UMODL1: variants seen among roughly 807,000 people sequenced by gnomAD.
The protein encoded by UMODL1 is uromodulin-like 1.
A neutral mutation model predicts 136.3 loss-of-function variants in UMODL1; 128 were observed. The ratio of observed to expected loss-of-function variants is 0.94; its 90% CI spans 0.81 to 1.09. The LOEUF is 1.09. Ranked by LOEUF, UMODL1 falls within the 50% of genes least tolerant of loss-of-function variation. The pLI is 0.00. For synonymous variants in UMODL1, 721 were observed against 720.0 expected, an observed-to-expected ratio of 1.00 and a Z score of -0.02; for missense variants, 1,766 against 1,725.6, an observed-to-expected ratio of 1.02 and a Z score of -0.41.
intron 15 of UMODL1, among the ~76,000 whole-genome samples, chr21:42,119,955 T>A (rs1451951036): frequency 6.6e-6 from 1 of 152,110 alleles, no homozygotes; most frequent in Non-Finnish European, 1.5e-5. Context: ...AAACAAAAAA[T>A]TTTTCAATAA....
In UMODL1 at chr21:42,115,986, G is replaced by T. The variant is rs371384125; in HGVS notation, c.2475+1G>T. ...TTTCCTAGAACTATTCTTCAGGATG[G>T]TGAGTTGGTGATATCAGCCCTTAAT... On this transcript the variant is annotated splice_donor_variant, in intron 14 of 22. Transcript: ENST00000408910. LOFTEE classifies it high-confidence loss of function. The T allele has an allele frequency of 1.2e-6, 2 of 1,608,936 alleles. No individual in the cohort carries two copies. Among genetic ancestry groups the T allele is most frequent in the Middle Eastern group, 1.7e-4 (1 of 6,046 alleles).
intron 2 of UMODL1, among the ~76,000 whole-genome samples, chr21:42,077,840 G>A (rs1035126709): frequency 1.3e-5 from 2 of 152,198 alleles, no homozygotes; most frequent in African/African-American, 2.4e-5. Context: ...GACAACAGCA[G>A]AATGGAGCGT....
At position 42,085,242 on chromosome 21, in the gene UMODL1, A is replaced by G. The variant is rs755046748; in HGVS notation, c.482-49A>G. The G allele has an allele frequency of 1.9e-6, 3 of 1,589,622 alleles. No homozygotes were observed. In the South Asian group the frequency reaches 3.4e-5, roughly 18 times the overall value. On this transcript the variant is annotated intron_variant, in intron 3 of 22. Coordinates refer to ENST00000408910, the MANE Select transcript of UMODL1 (RefSeq NM_001004416.3). The surrounding 1 kb of genome is among the most constrained non-coding windows in gnomAD (Gnocchi z 4.5). ...CTCTCCCACCCCAGCAGCTTTTGTG[A>G]CTTCAACCTGTCCTGGGTCCATAAT...
intron 20 of UMODL1, among the ~76,000 whole-genome samples, chr21:42,128,742 C>T (rs1026625000): frequency 1.3e-5 from 2 of 152,202 alleles, no homozygotes; most frequent in Non-Finnish European, 2.9e-5. Flanking sequence ...CGCCAGGCTT[C>T]GTCTCTGCAG....
intron 8 of UMODL1, 48 bp from the exon 9 acceptor site, chr21:42,103,820 G>A (rs1193478812): frequency 3.1e-6 from 5 of 1,606,404 alleles, no homozygotes; most frequent in Non-Finnish European, 4.3e-6. Flanking sequence ...CCTGCTTAAT[G>A]GTCGTGAAGA....
In UMODL1 at chr21:42,125,378, C is replaced by G. The variant is rs114878619; in HGVS notation, c.3148-967C>G. On this transcript the variant is annotated intron_variant, in intron 17 of 22. Transcript: ENST00000408910. ...CAGGAAGCTGAGGGATTCACGTGGA[C>G]GCGTCGGAGGCCATTGCAGAGCACA... Among the ~76,000 whole-genome samples the G allele has an allele frequency of 2.0e-3, 301 of 152,188 alleles. 2 individuals are homozygous for G. Among genetic ancestry groups the G allele is most frequent in the Admixed American group, 4.2e-3 (65 of 15,298 alleles).
chr21:42,119,515 G>T (rs758144259), intron 15 of UMODL1, among the ~76,000 whole-genome samples, 191 bp downstream of exon 15: 1 of 152,196 alleles, frequency 6.6e-6, no homozygotes, highest in Non-Finnish European at 1.5e-5. Flanking sequence ...TTGTGTAAAG[G>T]TTGAAGTGTT....
At chr21:42,102,333 C>A in intron 8 of UMODL1, 55 bp downstream of exon 8, 7 of 1,284,476 alleles carry the variant, frequency 5.4e-6, no homozygotes, top group East Asian at 2.4e-5. Flanking sequence ...GTGAGGACAT[C>A]AAACACAAGC....
At chr21:42,106,636 A>T (rs1157271215) in intron 9 of UMODL1, among the ~76,000 whole-genome samples, 2 of 152,136 alleles carry the variant, frequency 1.3e-5, no homozygotes, top group South Asian at 2.1e-4. Flanking sequence ...CCCAGGAGGT[A>T]CGTACCATGT....
chr21:42,070,131 AG>A (rs1395752793), upstream of UMODL1, among the ~76,000 whole-genome samples: 1 of 152,226 alleles, frequency 6.6e-6, no homozygotes, highest in Non-Finnish European at 1.5e-5. Context: ...TAAAAGAGGT[AG>A]CAACGTTGGT....
Position 42,119,184 on chromosome 21 carries a change from T to C in UMODL1, c.2549T>C (p.Val850Ala). 6.2e-7 allele frequency: 1 copy of C among 1,614,192 alleles called. No homozygotes were observed. The highest frequency in any genetic ancestry group is 1.1e-5 in the South Asian group (1 of 91,088). ...GGGGTCAGGATGGAAGTCGTCAGCGTCACCAACGGCAGCATCGTGGTGGAG... is the reference window on the plus strand; with the variant it reads ...GGGGTCAGGATGGAAGTCGTCAGCGCCACCAACGGCAGCATCGTGGTGGAG... ...AGGVRMEVVS[V>A]TNGSIVVEFH... The change falls in exon 15 of 23, where the codon GTC becomes GCC. Residue 850 changes from valine (V) to alanine (A), a missense_variant. Val to Ala is a moderately conservative substitution (Grantham distance 64). Coordinates refer to ENST00000408910, the MANE Select transcript of UMODL1 (RefSeq NM_001004416.3).
At chr21:42,129,581 C>G in intron 20 of UMODL1, 132 bp from the exon 21 acceptor site, 4 of 766,628 alleles carry the variant, frequency 5.2e-6, no homozygotes, top group Non-Finnish European at 5.9e-6. Context: ...TGTCTAAACT[C>G]AGCCCCCTTG....
intron 1 of UMODL1, among the ~76,000 whole-genome samples, chr21:42,073,873 T>C (rs2066258770): frequency 6.6e-6 from 1 of 152,100 alleles, no homozygotes; most frequent in Admixed American, 6.5e-5. Flanking sequence ...CCCCACCTCT[T>C]GGGGGTACAG....
rs1225000240 is a variant in UMODL1 at position 42,119,286 on chromosome 21, C to T, written c.2651C>T (p.Pro884Leu). ...TTTCTCACCGCCTTCCAGACCGTGC[C>T]TCTGCTGGAGGTGATCAGAGGCGAC... ...AAFLTAFQTV[P>L]LLEVIRGDTF... Residue 884 changes from proline (P) to leucine (L), a missense_variant, in exon 15 of 23, where the codon CCT (proline) becomes CTT (leucine). Physicochemically the swap from Pro to Leu is moderately conservative, Grantham distance 98. Coordinates refer to ENST00000408910, the MANE Select transcript of UMODL1 (RefSeq NM_001004416.3). The T allele has an allele frequency of 6.2e-7, 1 of 1,614,198 alleles. No homozygotes were observed. Among genetic ancestry groups the T allele is most frequent in the East Asian group, 2.2e-5 (1 of 44,886 alleles).
rs979953111 is a variant in UMODL1 at position 42,123,026 on chromosome 21, A to G, written c.3023A>G (p.Gln1008Arg). The G allele has an allele frequency of 6.8e-6, 11 of 1,614,146 alleles. No individual in the cohort carries two copies. Among genetic ancestry groups the G allele is most frequent in the Non-Finnish European group, 7.6e-6 (9 of 1,180,026 alleles). The part of the protein sequence containing the change: ...VVVAIQKRFL[Q>R]QESIPESSLY... ...GTCGCCATCCAGAAGCGCTTCCTGC[A>G]GCAGGAATCCATCCCCGAGTCCTCG... Residue 1008 changes from glutamine (Q) to arginine (R), a missense_variant, in exon 17 of 23, where the codon CAG (glutamine) becomes CGG (arginine). Gln to Arg is a conservative substitution (Grantham distance 43). Transcript: ENST00000408910. This position sits in a 1 kb window ranked among gnomAD's most constrained non-coding sequence, Gnocchi z 4.4.
Position 42,133,888 on chromosome 21 carries a change from TTTTTG to T in UMODL1, c.3776-3522_3776-3518del, listed in dbSNP as rs375720686. ...AGGGTTAGGATTTCAATATATCTGTTTTTTGTTTTGTTTTGTTTTGTTTTGTTTTG... is the reference window on the plus strand; with the variant it reads ...AGGGTTAGGATTTCAATATATCTGTTTTTTGTTTTGTTTTGTTTTGTTTTG... On this transcript the variant is annotated intron_variant, in intron 21 of 22. Transcript: ENST00000408910. 5.7e-4 allele frequency among the ~76,000 whole-genome samples: 86 copies of T among 150,738 alleles called. 1 individual carries two copies. Among genetic ancestry groups the T allele is most frequent in the East Asian group, 5.3e-3 (27 of 5,102 alleles).
chr21:42,142,404 G>A lies in UMODL1; in HGVS notation c.*330G>A, dbSNP rs1041580118. ...GGGTGCTGCGGCTACACCACCACCC[G>A]CGCGGCCCCCGCAGCCTAGACCTCC... On this transcript the variant is annotated 3_prime_UTR_variant, in exon 23 of 23. Coordinates refer to ENST00000408910, the MANE Select transcript of UMODL1 (RefSeq NM_001004416.3). 2 of 152,290 alleles carry A rather than the reference G, an allele frequency of 1.3e-5. No individual in the cohort carries two copies. Among genetic ancestry groups the A allele is most frequent in the African/African-American group, 2.4e-5 (1 of 41,458 alleles). The allele number at this position is 152,290 out of a possible 1,614,324, so 9.4% of individuals were successfully genotyped here.
chr21:42,084,224 T>TGCATG lies in UMODL1; in HGVS notation c.463_467dup (p.Pro157TrpfsTer23). On this transcript the variant is annotated frameshift_variant, in exon 3 of 23. Coordinates refer to ENST00000408910, the MANE Select transcript of UMODL1 (RefSeq NM_001004416.3). LOFTEE classifies it high-confidence loss of function. ...CTGCCCCTGGTCAGGGGGGCGCTAC[T>TGCATG]GCATGGCCCCTGCACCCCAAGGTAG... The TGCATG allele has an allele frequency of 6.2e-7, 1 of 1,613,478 alleles. No individual in the cohort carries two copies. Among genetic ancestry groups the TGCATG allele is most frequent in the Admixed American group, 1.7e-5 (1 of 59,980 alleles).
intron 21 of UMODL1, among the ~76,000 whole-genome samples, chr21:42,133,351 G>T (rs1360854904): frequency 6.6e-6 from 1 of 152,226 alleles, no homozygotes; most frequent in East Asian, 1.9e-4. Context: ...TTTAGGGAAT[G>T]TGCCTAAGCT....
Sources: allele counts gnomAD v4.1 joint callset (sites outside exome capture counted in the v4.1 genomes callset), GRCh38; gene constraint gnomAD v4.1.1; non-coding constraint Gnocchi (gnomAD v3.1); transcripts MANE v1.5; gene names NCBI Gene and HGNC (gene_info 2026-07-23, HGNC 2026-07-21).